Variants in OR10S1 observed in about 807,000 individuals in gnomAD.
The protein encoded by OR10S1 is olfactory receptor 10S1.
For missense variants in OR10S1, 415 were observed against 407.9 expected, an observed-to-expected ratio of 1.02 and a Z score of -0.15; for synonymous variants, 167 against 164.1, an observed-to-expected ratio of 1.02 and a Z score of -0.13.
chr11:123,976,704 G>A, exon 1 of OR10S1: 2 of 1,608,172 alleles, frequency 1.2e-6, no homozygotes, highest in East Asian at 2.2e-5. Context: ...GACTATGGGG[G>A]TGGGCTGCCT....
rs376456492 is a variant in OR10S1 at position 123,976,843 on chromosome 11, A to C, written c.822T>G (p.Ala274=). Residue 274 remains alanine (A), a synonymous_variant, in exon 1 of 1, where the codon GCT becomes GCG. Transcript: ENST00000641123. Reference sequence around the variant, plus strand: ...TTGTGTAGAAGACAGCAGGGGCCCCAGCTCCTGCCTCACTGGAGCGAGGCT... The same window carrying C: ...TTGTGTAGAAGACAGCAGGGGCCCCCGCTCCTGCCTCACTGGAGCGAGGCT... 19 of 1,614,100 alleles carry C rather than the reference A, an allele frequency of 1.2e-5. No individual in the cohort carries two copies. In the African/African-American group the frequency reaches 2.1e-4, roughly 18 times the overall value.
In OR10S1 at chr11:123,977,746, A is replaced by C. The variant is rs938859564; in HGVS notation, c.-82T>G. On this transcript the variant is annotated 5_prime_UTR_variant, in exon 1 of 1. Coordinates refer to ENST00000641123, the Ensembl canonical transcript of OR10S1. ...AATAAATAGCTGTATCCCTTTCCTG[A>C]GATGTCATTATCCATCAAGCCACAC... The C allele has an allele frequency of 2.7e-6, 4 of 1,488,856 alleles. No homozygotes were observed. The African/African-American group carries it at 5.5e-5, about 20-fold the overall frequency. 92.2% of individuals were successfully genotyped at this position (1,488,856 alleles called of 1,614,324 possible).
At chr11:123,976,821 T>C in exon 1 of OR10S1, 1 of 1,614,196 alleles carries the variant, frequency 6.2e-7, no homozygotes, top group East Asian at 2.2e-5. Context: ...GTTACGATTG[T>C]GTAGAAGACA....
exon 1 of OR10S1, chr11:123,977,593 G>A (rs186017158): frequency 2.7e-4 from 433 of 1,611,876 alleles, no homozygotes; most frequent in Non-Finnish European, 2.9e-4. Flanking sequence ...AATGTTTAGC[G>A]GTGTACCTCA....
At chr11:123,976,949 C>A (rs768212335) in exon 1 of OR10S1, 3 of 1,613,856 alleles carry the variant, frequency 1.9e-6, no homozygotes, top group East Asian at 2.2e-5. Flanking sequence ...GGCCCGCTGC[C>A]GGCCCTGGGC....
In OR10S1 at chr11:123,977,732, G is replaced by C. The variant is rs1345916144; in HGVS notation, c.-68C>G. On this transcript the variant is annotated 5_prime_UTR_variant, in exon 1 of 1. An upstream open reading frame in the 5' UTR gains an earlier in-frame stop. Transcript: ENST00000641123. ...ACTGACATTAATGGAATAAATAGCT[G>C]TATCCCTTTCCTGAGATGTCATTAT... is the stretch of plus-strand genomic sequence containing the variant. 1.3e-6 allele frequency: 2 copies of C among 1,550,864 alleles called. No homozygotes were observed. The highest frequency in any genetic ancestry group is 1.3e-5 in the African/African-American group (1 of 74,204).
At chr11:123,977,365 C>A in exon 1 of OR10S1, 1 of 1,614,126 alleles carries the variant, frequency 6.2e-7, no homozygotes, top group Non-Finnish European at 8.5e-7. Flanking sequence ...CGGCACAGCC[C>A]TCAAAGGAGA....
At chr11:123,977,613 G>T (rs1863733798) in exon 1 of OR10S1, 2 of 1,608,704 alleles carry the variant, frequency 1.2e-6, no homozygotes, top group Non-Finnish European at 1.7e-6. Context: ...AAACCCTCCA[G>T]GAAGAAGTGG....
rs1315820964 is a variant in OR10S1, at chr11:123,977,173, G to A, written c.492C>T (p.His164=). Residue 164 remains histidine (H), a synonymous_variant, in exon 1 of 1, where the codon CAC becomes CAT. Transcript: ENST00000641123. ...AGAGCAGGCGGAAGGTGAGGGAGGT[G>A]TGGATTGCAGCGTGCGTGGCACCTA... 3 of 1,614,232 alleles carry A rather than the reference G, an allele frequency of 1.9e-6. No individual in the cohort carries two copies. The Admixed American group carries it at 5.0e-5, about 27-fold the overall frequency.
exon 1 of OR10S1, chr11:123,976,672 A>G (rs770338650): frequency 5.1e-6 from 8 of 1,558,826 alleles, no homozygotes; most frequent in Non-Finnish European, 8.7e-7. Context: ...CTGGCAGGCA[A>G]ATTGTGAGTT....
Position 123,977,689 on chromosome 11 carries a change from C to T in OR10S1, c.-25G>A. The T allele has an allele frequency of 6.3e-7, 1 of 1,597,528 alleles. No homozygotes were observed. On this transcript the variant is annotated 5_prime_UTR_variant, in exon 1 of 1. The change abolishes an upstream ATG in the 5' untranslated region. Coordinates refer to ENST00000641123, the Ensembl canonical transcript of OR10S1. ...TCTTCTCACACACAGAGCGGCTAGT[C>T]ATCCCCTTTGCAACAAAACTGACAT... is the stretch of plus-strand genomic sequence containing the variant.
exon 1 of OR10S1, chr11:123,977,128 A>C: frequency 6.2e-7 from 1 of 1,614,214 alleles, no homozygotes; most frequent in East Asian, 2.2e-5. Flanking sequence ...AGAAGTAGGC[A>C]ATGTGGCAAG....
chr11:123,977,466 G>A (rs752584599), exon 1 of OR10S1: 1 of 1,614,126 alleles, frequency 6.2e-7, no homozygotes. Context: ...AGGTGCCCCA[G>A]GAAGTGGTAC....
exon 1 of OR10S1, chr11:123,977,351 T>C: frequency 6.2e-7 from 1 of 1,614,134 alleles, no homozygotes; most frequent in Non-Finnish European, 8.5e-7. Flanking sequence ...GCAATAAAGC[T>C]GTACGGCACA....
At chr11:123,976,934 G>A in exon 1 of OR10S1, 1 of 1,613,978 alleles carries the variant, frequency 6.2e-7, no homozygotes, top group Non-Finnish European at 8.5e-7. Flanking sequence ...AGTGCAGGGG[G>A]AGAAGGCCCG....
chr11:123,976,742 A>G (rs768846939), exon 1 of OR10S1: 3 of 1,614,154 alleles, frequency 1.9e-6, no homozygotes, highest in Admixed American at 1.7e-5. Context: ...GCTGCTGCAC[A>G]AAAGCCTTTG....
chr11:123,976,889 G>A, exon 1 of OR10S1: 1 of 1,614,152 alleles, frequency 6.2e-7, no homozygotes, highest in East Asian at 2.2e-5. Flanking sequence ...ACAGACAGGT[G>A]GCACGTAGTA....
At chr11:123,977,458 G>A (rs1275221984) in exon 1 of OR10S1, 2 of 1,614,128 alleles carry the variant, frequency 1.2e-6, no homozygotes, top group Non-Finnish European at 8.5e-7. Flanking sequence ...GGAAGGAGAG[G>A]TGCCCCAGGA....
chr11:123,977,108 A>G, exon 1 of OR10S1: 1 of 1,614,244 alleles, frequency 6.2e-7, no homozygotes, highest in Non-Finnish European at 8.5e-7. Flanking sequence ...GACAGGGGGT[A>G]TGTCGCAGAA....
Sources: gnomAD v4.1 joint callset for allele counts on GRCh38, gnomAD v4.1.1 for gene constraint, MANE v1.5 for transcripts, NCBI Gene and HGNC (gene_info 2026-07-23, HGNC 2026-07-21) for gene names.